Variants in CFAP299 observed in about 807,000 individuals in gnomAD.
CFAP299 encodes the protein cilia and flagella associated protein 299, also known as cilia- and flagella-associated protein 299.
A neutral mutation model predicts 27.0 loss-of-function variants in CFAP299; 21 were observed. That is an observed-to-expected ratio of 0.78 (90% CI 0.55 to 1.12). The LOEUF is 1.12. Ranked by LOEUF, CFAP299 falls within the 50% of genes most tolerant of loss-of-function variation. CFAP299 has a pLI of 0.00. For missense variants in CFAP299, 310 were observed against 276.6 expected (o/e 1.12, Z -0.86); for synonymous variants, 104 against 98.1 (o/e 1.06, Z -0.36).
chr4:80,832,041 T>G (rs1730325128), intron 3 of CFAP299, among the ~76,000 whole-genome samples: 1 of 152,162 alleles, frequency 6.6e-6, no homozygotes, highest in Non-Finnish European at 1.5e-5. Flanking sequence ...AGAAAATATG[T>G]GTCAGATTTG....
intron 4 of CFAP299, chr4:80,871,051 C>A (rs1216615547): frequency 4.9e-6 from 2 of 404,840 alleles, no homozygotes; most frequent in Admixed American, 1.3e-4. Flanking sequence ...GGACTACAGG[C>A]ACATACCACC....
chr4:80,888,125 G>A (rs1183315195), intron 4 of CFAP299, among the ~76,000 whole-genome samples: 2 of 152,034 alleles, frequency 1.3e-5, no homozygotes, highest in African/African-American at 2.4e-5. Context: ...GCAAGAGTAA[G>A]TCCTTATTTA....
chr4:80,658,481 T>G (rs1020203544), intron 3 of CFAP299, among the ~76,000 whole-genome samples: 2 of 152,186 alleles, frequency 1.3e-5, no homozygotes, highest in East Asian at 3.9e-4. Context: ...CTGCATCTAT[T>G]GAGATAATCA....
rs56729877 is a variant in CFAP299 at position 80,504,462 on chromosome 4, CATATATATATATATATATATATAT to C, written c.243-78610_243-78587del. The stretch of plus-strand genomic sequence containing the variant: ...TACTGAAATTTTGCTTAAAATCTCA[CATATATATATATATATATATATAT>C]ATATATATATATATATATATTTTCC... On this transcript the variant is annotated intron_variant, in intron 2 of 5. Transcript: ENST00000358105. Among the ~76,000 whole-genome samples, 349 of 37,792 alleles carry C rather than the reference CATATATATATATATATATATATAT, an allele frequency of 9.2e-3. 11 individuals carry two copies. The highest frequency in any genetic ancestry group is 0.026 in the African/African-American group (297 of 11,500). 24.8% of individuals were successfully genotyped at this position (37,792 alleles called of 152,430 possible).
At chr4:80,561,158 C>A (rs941517760) in intron 2 of CFAP299, among the ~76,000 whole-genome samples, 3 of 152,122 alleles carry the variant, frequency 2.0e-5, no homozygotes, top group African/African-American at 7.2e-5. Context: ...GAGAAGAGAA[C>A]AACAGTCTCT....
chr4:80,386,147 G>A, intron 2 of CFAP299: 1 of 546,006 alleles, frequency 1.8e-6, no homozygotes, highest in South Asian at 3.7e-5. Context: ...TGAGCATCAG[G>A]CCTTCCCAGG....
intron 3 of CFAP299, among the ~76,000 whole-genome samples, chr4:80,603,067 G>T (rs543918592): frequency 6.6e-6 from 1 of 152,206 alleles, no homozygotes; most frequent in South Asian, 2.1e-4. Flanking sequence ...GGATAAAGAA[G>T]ATCTCTAAGC....
At chr4:80,845,090 C>T (rs1731100312) in intron 3 of CFAP299, among the ~76,000 whole-genome samples, 1 of 152,110 alleles carries the variant, frequency 6.6e-6, no homozygotes, top group Non-Finnish European at 1.5e-5. Context: ...TTTCTGAGAG[C>T]TCTGTTCTAT....
chr4:80,734,650 A>G (rs1723750849), intron 3 of CFAP299, among the ~76,000 whole-genome samples: 1 of 152,134 alleles, frequency 6.6e-6, no homozygotes. Context: ...GTATATGACA[A>G]TACATAGGGG....
chr4:80,747,188 CAT>C (rs1337450528), intron 3 of CFAP299, among the ~76,000 whole-genome samples: 2 of 152,104 alleles, frequency 1.3e-5, no homozygotes, highest in East Asian at 1.9e-4. Context: ...TTATGTGACA[CAT>C]GATTGTATAA....
At chr4:80,564,632 C>T (rs1433111393) in intron 2 of CFAP299, among the ~76,000 whole-genome samples, 2 of 151,954 alleles carry the variant, frequency 1.3e-5, no homozygotes, top group African/African-American at 4.8e-5. Flanking sequence ...TGCACACTGT[C>T]ACCACTGTTA....
chr4:80,658,775 A>G (rs1240833745), intron 3 of CFAP299, among the ~76,000 whole-genome samples: 2 of 152,156 alleles, frequency 1.3e-5, no homozygotes, highest in Non-Finnish European at 2.9e-5. Context: ...AAACTGTAGC[A>G]TACTATCCAC....
chr4:80,840,508 T>A (rs946408565), intron 3 of CFAP299, among the ~76,000 whole-genome samples: 31 of 152,050 alleles, frequency 2.0e-4, no homozygotes, highest in African/African-American at 7.2e-4. Context: ...CATTTATTAT[T>A]TTTTTATCTT....
chr4:80,494,342 A>G (rs1423572660), intron 2 of CFAP299, among the ~76,000 whole-genome samples: 3 of 152,220 alleles, frequency 2.0e-5, no homozygotes, highest in Non-Finnish European at 4.4e-5. Flanking sequence ...AAAGTATGTT[A>G]ACTATTCCCA....
intron 4 of CFAP299, among the ~76,000 whole-genome samples, chr4:80,896,551 A>G (rs1403142102): frequency 6.6e-6 from 1 of 152,120 alleles, no homozygotes; most frequent in African/African-American, 2.4e-5. Flanking sequence ...GAAAAAGTCA[A>G]ATCATATGTA....
intron 3 of CFAP299, among the ~76,000 whole-genome samples, chr4:80,602,123 T>C (rs1737385631): frequency 1.3e-5 from 2 of 152,034 alleles, no homozygotes; most frequent in Admixed American, 6.6e-5. Context: ...CTAGGCTAAA[T>C]ACCTGAGTGA....
At chr4:80,630,884 A>G (rs1739172159) in intron 3 of CFAP299, among the ~76,000 whole-genome samples, 1 of 152,092 alleles carries the variant, frequency 6.6e-6, no homozygotes, top group African/African-American at 2.4e-5. Context: ...TTACTTCAGG[A>G]CAAGATGTTT....
At chr4:80,525,803 C>A (rs1197925699) in intron 2 of CFAP299, among the ~76,000 whole-genome samples, 1 of 152,092 alleles carries the variant, frequency 6.6e-6, no homozygotes, top group Non-Finnish European at 1.5e-5. Flanking sequence ...TTTGATATCT[C>A]TGAATATAAT....
the CFAP299 span, among the ~76,000 whole-genome samples, chr4:80,324,554 G>C: frequency 6.6e-6 from 1 of 152,130 alleles, no homozygotes; most frequent in African/African-American, 2.4e-5. Flanking sequence ...ACATTTTAAA[G>C]CTTTGGTCCT....
Sources: gnomAD v4.1 joint callset for allele counts (sites outside exome capture counted in the v4.1 genomes callset) on GRCh38, gnomAD v4.1.1 for gene constraint, MANE v1.5 for transcripts, NCBI Gene and HGNC (gene_info 2026-07-23, HGNC 2026-07-21) for gene names.